ARFGEF2: variants seen among roughly 807,000 people sequenced by gnomAD.
The protein encoded by ARFGEF2 is ARF guanine nucleotide exchange factor 2, also known as brefeldin A-inhibited guanine nucleotide-exchange protein 2.
A neutral mutation model predicts 219.9 loss-of-function variants in ARFGEF2; 74 were observed. That is an observed-to-expected ratio of 0.34 (90% CI 0.28 to 0.41). The LOEUF (loss-of-function observed/expected upper bound fraction) is 0.41, where lower values mean the gene tolerates loss of function less well. Among genes scored for constraint, ARFGEF2 ranks in the 10% least tolerant of loss-of-function variants. ARFGEF2 has a pLI of 1.00. For synonymous variants in ARFGEF2, 733 were observed against 799.2 expected (o/e 0.92, Z 1.40); for missense variants, 1,743 against 2,218.3 (o/e 0.79, Z 4.30).
chr20:48,988,079 C>T (rs1054657584), intron 16 of ARFGEF2, among the ~76,000 whole-genome samples: 13 of 152,164 alleles, frequency 8.5e-5, no homozygotes, highest in Non-Finnish European at 1.3e-4. Flanking sequence ...TGAGCCACCA[C>T]GCCCTGCCAA....
chr20:49,016,122 A>G (rs1401497239), intron 30 of ARFGEF2, among the ~76,000 whole-genome samples, 158 bp from the exon 31 acceptor site: 2 of 152,126 alleles, frequency 1.3e-5, no homozygotes, highest in Admixed American at 6.6e-5. Context: ...ATCCCTCTGT[A>G]TATCCTCTGT....
intron 27 of ARFGEF2, among the ~76,000 whole-genome samples, chr20:49,011,682 G>C (rs2091499405): frequency 1.3e-5 from 2 of 152,214 alleles, no homozygotes; most frequent in Admixed American, 6.5e-5. Context: ...TGATATTTGG[G>C]CCTTTACATC....
intron 21 of ARFGEF2, 152 bp downstream of exon 21, chr20:48,991,350 A>C: frequency 2.6e-6 from 3 of 1,148,520 alleles, no homozygotes; most frequent in South Asian, 2.6e-5. Flanking sequence ...GGGCTGTGAA[A>C]GGCGGGGGCG....
intron 14 of ARFGEF2, 113 bp downstream of exon 14, chr20:48,976,312 C>T: frequency 3.0e-6 from 4 of 1,314,312 alleles, no homozygotes; most frequent in Non-Finnish European, 4.3e-6. Flanking sequence ...CTGGTGCTGG[C>T]ACTTGTAGCT....
chr20:48,939,224 C>T (rs749145375), intron 1 of ARFGEF2, among the ~76,000 whole-genome samples: 2 of 152,132 alleles, frequency 1.3e-5, no homozygotes, highest in Admixed American at 6.5e-5. Context: ...CTGCCTGCCT[C>T]GGCCTCCCAA....
intron 1 of ARFGEF2, among the ~76,000 whole-genome samples, chr20:48,924,996 T>C (rs905118089): frequency 6.6e-5 from 10 of 152,224 alleles, no homozygotes; most frequent in African/African-American, 2.2e-4. Flanking sequence ...ATTACTCTGG[T>C]TTGATGTTCT....
chr20:49,029,203 G>C (rs527624320), intron 37 of ARFGEF2, among the ~76,000 whole-genome samples: 1 of 152,326 alleles, frequency 6.6e-6, no homozygotes, highest in Non-Finnish European at 1.5e-5. Flanking sequence ...TTGTCACTCA[G>C]CTTCCTGGGC....
intron 23 of ARFGEF2, among the ~76,000 whole-genome samples, chr20:48,996,466 C>T (rs770530352): frequency 2.4e-5 from 3 of 127,452 alleles, no homozygotes; most frequent in Non-Finnish European, 5.1e-5. Context: ...AAAAAAAAAA[C>T]GCCTACCCAT....
intron 30 of ARFGEF2, among the ~76,000 whole-genome samples, chr20:49,015,594 G>C (rs1036645736): frequency 6.6e-6 from 1 of 152,192 alleles, no homozygotes; most frequent in Non-Finnish European, 1.5e-5. Flanking sequence ...CCAACTGCCA[G>C]GTTTGGGGCC....
chr20:48,995,019 T>C (rs1197452541), intron 22 of ARFGEF2, among the ~76,000 whole-genome samples: 1 of 152,188 alleles, frequency 6.6e-6, no homozygotes, highest in Admixed American at 6.5e-5. Context: ...TGGCTATACA[T>C]TGGATTGAGA....
Position 48,952,698 on chromosome 20 carries a change from A to G in ARFGEF2, c.424-7A>G, listed in dbSNP as rs772804654. 8 of 1,614,048 alleles carry G rather than the reference A, an allele frequency of 5.0e-6. No homozygotes were observed. The highest frequency in any genetic ancestry group is 2.2e-5 in the South Asian group (2 of 91,086). ...CTGATGGTGAAGGTCGCGGATTTCT[A>G]TTTTAGGCTCTTCTGACTGCAGTGA... On this transcript the variant is annotated splice_polypyrimidine_tract_variant and splice_region_variant and intron_variant, in intron 4 of 38. Transcript: ENST00000371917.
At chr20:48,928,087 C>A (rs1168188437) in intron 1 of ARFGEF2, among the ~76,000 whole-genome samples, 1 of 151,334 alleles carries the variant, frequency 6.6e-6, no homozygotes, top group East Asian at 1.9e-4. Context: ...ACCTTTGTCA[C>A]AGGATTATTG....
At chr20:48,976,555 T>A (rs1230738672) in intron 14 of ARFGEF2, among the ~76,000 whole-genome samples, 1 of 152,182 alleles carries the variant, frequency 6.6e-6, no homozygotes, top group Non-Finnish European at 1.5e-5. Context: ...ACGCCTGTAA[T>A]CCCAGCACTT....
intron 25 of ARFGEF2, among the ~76,000 whole-genome samples, chr20:49,001,479 GC>G (rs1227752211): frequency 6.6e-6 from 1 of 152,174 alleles, no homozygotes. Flanking sequence ...CAGGTTGCTG[GC>G]AGAGTTGTTC....
At chr20:48,976,325 G>C in intron 14 of ARFGEF2, 126 bp downstream of exon 14, 1 of 1,151,560 alleles carries the variant, frequency 8.7e-7, no homozygotes, top group Non-Finnish European at 1.3e-6. Context: ...TTGTAGCTAA[G>C]CCTGATTGAG....
At chr20:49,007,677 G>A (rs549460661) in intron 26 of ARFGEF2, among the ~76,000 whole-genome samples, 5 of 150,898 alleles carry the variant, frequency 3.3e-5, no homozygotes, top group Non-Finnish European at 5.9e-5. Flanking sequence ...TGAATAAAAG[G>A]GTACCAGAAA....
In ARFGEF2 at chr20:48,973,157, T is replaced by C. The variant is rs2091238705; in HGVS notation, c.1538T>C (p.Val513Ala). The change falls in exon 12 of 39, where the codon GTT becomes GCT. Residue 513 changes from valine (V) to alanine (A), a missense_variant. By Grantham distance (64) the Val-to-Ala change is moderately conservative. This residue lies in a region of ARFGEF2 where 666 missense variants were observed against 955.4 expected (regional missense o/e 0.70). Transcript: ENST00000371917. ...GTTATTTTCCAAGATGCCCAGTGTG[T>C]TGTGGATATTTATGTCAACTACGAC... ...LTRICADAQC[V>A]VDIYVNYDCD... is the part of the protein sequence containing the mutation. 2 of 1,614,074 alleles carry C rather than the reference T, an allele frequency of 1.2e-6. No homozygotes were observed. Among genetic ancestry groups the C allele is most frequent in the Admixed American group, 1.7e-5 (1 of 60,006 alleles).
At chr20:48,974,118 ATTTTTT>A (rs57941437) in intron 12 of ARFGEF2, among the ~76,000 whole-genome samples, 2 of 70,068 alleles carry the variant, frequency 2.9e-5, no homozygotes, top group African/African-American at 5.8e-5. Context: ...TTGAGTGTGA[ATTTTTT>A]TTTTTTTTTT....
At chr20:49,017,081 AAAAAATTTTAAT>A (rs1459845324) in intron 31 of ARFGEF2, among the ~76,000 whole-genome samples, 156 bp from the exon 32 acceptor site, 1 of 152,176 alleles carries the variant, frequency 6.6e-6, no homozygotes, top group East Asian at 1.9e-4. Context: ...TAACTCTTCA[AAAAAATTTTAAT>A]AAAAATTTTA....
Sources: gnomAD v4.1 joint callset for allele counts (sites outside exome capture counted in the v4.1 genomes callset) on GRCh38, gnomAD v4.1.1 for gene constraint, gnomAD v4.1.1 regional missense constraint, MANE v1.5 for transcripts, NCBI Gene and HGNC (gene_info 2026-07-23, HGNC 2026-07-21) for gene names.